Variants in KAT6B observed in about 807,000 individuals in gnomAD.
KAT6B encodes the protein histone acetyltransferase KAT6B.
Under a neutral mutation model 187.5 loss-of-function variants are expected in KAT6B, and 10 were observed. That is an observed-to-expected ratio of 0.05 (90% CI 0.03 to 0.09). The LOEUF (loss-of-function observed/expected upper bound fraction) is 0.09, where lower values mean the gene tolerates loss of function less well. Ranked by LOEUF, KAT6B falls within the 10% of genes least tolerant of loss-of-function variation. The probability of loss-of-function intolerance (pLI) is 1.00; values close to 1 mark genes in which losing one functional copy is unlikely to be tolerated. For synonymous variants in KAT6B, 861 were observed against 926.8 expected (o/e 0.93, Z 1.29); for missense variants, 1,952 against 2,558.9 (o/e 0.76, Z 5.12).
At chr10:75,008,681 A>G (rs1844389310) in intron 13 of KAT6B, among the ~76,000 whole-genome samples, 1 of 152,230 alleles carries the variant, frequency 6.6e-6, no homozygotes. Context: ...CTTGTAGAAC[A>G]TAATGAATGT....
intron 1 of KAT6B, among the ~76,000 whole-genome samples, chr10:74,835,907 C>T (rs1046580542): frequency 1.3e-5 from 2 of 152,108 alleles, no homozygotes; most frequent in Non-Finnish European, 2.9e-5. Flanking sequence ...AGTGTTGTGT[C>T]ACCACTGCCA....
chr10:75,009,036 A>C (rs944901040), intron 13 of KAT6B, among the ~76,000 whole-genome samples: 1 of 152,192 alleles, frequency 6.6e-6, no homozygotes, highest in Non-Finnish European at 1.5e-5. Context: ...ACAGTTACAT[A>C]ATTTACACTT....
At chr10:74,910,836 C>T (rs1847150270) in intron 3 of KAT6B, among the ~76,000 whole-genome samples, 1 of 152,180 alleles carries the variant, frequency 6.6e-6, no homozygotes, top group Non-Finnish European at 1.5e-5. Flanking sequence ...TAGCACATAA[C>T]AGCTATATGC....
chr10:74,861,308 A>T (rs1260089241), intron 3 of KAT6B, among the ~76,000 whole-genome samples: 3 of 151,326 alleles, frequency 2.0e-5, no homozygotes, highest in Non-Finnish European at 2.9e-5. Context: ...TCTCAAAGGT[A>T]AAAAAAAAGA....
intron 15 of KAT6B, 98 bp from the exon 16 acceptor site, chr10:75,021,783 A>T: frequency 1.5e-6 from 2 of 1,329,326 alleles, no homozygotes; most frequent in Middle Eastern, 4.2e-4. Context: ...GGCTGTCCTG[A>T]TCAGAACCGA....
At chr10:75,025,413 C>A in intron 17 of KAT6B, 164 bp downstream of exon 17, 1 of 657,006 alleles carries the variant, frequency 1.5e-6, no homozygotes, top group Non-Finnish European at 2.6e-6. Flanking sequence ...AAGCTTCTCT[C>A]CCTTCTTCCT....
intron 3 of KAT6B, among the ~76,000 whole-genome samples, chr10:74,908,733 C>G (rs1222560801): frequency 6.6e-6 from 1 of 152,016 alleles, no homozygotes; most frequent in Non-Finnish European, 1.5e-5. Context: ...TCTGCTTTTC[C>G]AGCTCATATA....
At chr10:74,894,149 C>T (rs1307026101) in intron 3 of KAT6B, among the ~76,000 whole-genome samples, 1 of 152,090 alleles carries the variant, frequency 6.6e-6, no homozygotes, top group Non-Finnish European at 1.5e-5. Context: ...ATGGCACGAT[C>T]TCGGCTCGCT....
At position 74,996,762 on chromosome 10, in the gene KAT6B, C is replaced by T. The variant is rs556723670; in HGVS notation, c.2629+7650C>T. ...CCAGCCTGGGCGACAGAGCGAGACT[C>T]GGTCTCAAAAAAAAAAAAAAAAAAA... On this transcript the variant is annotated intron_variant, in intron 13 of 17. Coordinates refer to ENST00000287239, the MANE Select transcript of KAT6B (RefSeq NM_012330.4). Among the ~76,000 whole-genome samples, 429 of 71,974 alleles carry T rather than the reference C, an allele frequency of 6.0e-3. 6 individuals carry two copies. Among genetic ancestry groups the T allele is most frequent in the African/African-American group, 0.025 (406 of 16,264 alleles). The allele number at this position is 71,974 out of a possible 152,430, so 47.2% of individuals were successfully genotyped here.
At chr10:74,861,231 G>A (rs1228231458) in intron 3 of KAT6B, among the ~76,000 whole-genome samples, 1 of 152,040 alleles carries the variant, frequency 6.6e-6, no homozygotes, top group South Asian at 2.1e-4. Flanking sequence ...GAATGCCGGA[G>A]GCCGAAGGTG....
At chr10:74,928,622 T>A (rs1848656268) in intron 3 of KAT6B, among the ~76,000 whole-genome samples, 1 of 152,228 alleles carries the variant, frequency 6.6e-6, no homozygotes, top group African/African-American at 2.4e-5. Flanking sequence ...GTCTGTGTCT[T>A]AAAATTCTTA....
intron 3 of KAT6B, among the ~76,000 whole-genome samples, chr10:74,953,331 T>A (rs1840448342): frequency 6.6e-6 from 1 of 152,208 alleles, no homozygotes; most frequent in African/African-American, 2.4e-5. Flanking sequence ...GCTCTTTCTG[T>A]TTTTATAGCC....
intron 3 of KAT6B, among the ~76,000 whole-genome samples, chr10:74,848,437 G>A (rs927052785): frequency 2.0e-5 from 3 of 152,110 alleles, no homozygotes; most frequent in Non-Finnish European, 4.4e-5. Context: ...CCTGGGAGGC[G>A]GAGGTTGCAG....
chr10:74,895,550 A>G (rs552852060), intron 3 of KAT6B, among the ~76,000 whole-genome samples: 1 of 151,822 alleles, frequency 6.6e-6, no homozygotes, highest in Non-Finnish European at 1.5e-5. Flanking sequence ...CTTATTCCTT[A>G]TTTTTTTGAG....
At chr10:75,004,122 G>A (rs1298053962) in intron 13 of KAT6B, among the ~76,000 whole-genome samples, 1 of 151,456 alleles carries the variant, frequency 6.6e-6, no homozygotes, top group East Asian at 1.9e-4. Flanking sequence ...CATTTGCATT[G>A]AGTTATTTTG....
rs532170956 is a variant in KAT6B at position 74,983,521 on chromosome 10, T to C, written c.2374-1559T>C. On this transcript the variant is annotated intron_variant, in intron 11 of 17. Coordinates refer to ENST00000287239, the MANE Select transcript of KAT6B (RefSeq NM_012330.4). The stretch of plus-strand genomic sequence containing the variant: ...GCTTTCCTATTGGCTCCTTCCTTGA[T>C]GCCTTAGATCTTTTCTTCCAACCAA... 3 of 152,374 alleles carry C rather than the reference T, an allele frequency of 2.0e-5. No homozygotes were observed. The South Asian group carries it at 6.2e-4, about 32-fold the overall frequency. 9.4% of individuals were successfully genotyped at this position (152,374 alleles called of 1,614,324 possible).
intron 3 of KAT6B, among the ~76,000 whole-genome samples, chr10:74,870,774 T>TCCA (rs1843875238): frequency 6.6e-6 from 1 of 151,808 alleles, no homozygotes; most frequent in South Asian, 2.1e-4. Context: ...GACGGGGTTT[T>TCCA]CCATGTTGGT....
At chr10:74,954,930 C>T (rs577137084) in intron 3 of KAT6B, among the ~76,000 whole-genome samples, 4 of 152,188 alleles carry the variant, frequency 2.6e-5, no homozygotes, top group South Asian at 2.1e-4. Flanking sequence ...TCCTCTGAGT[C>T]GGTAATGGGC....
chr10:75,018,949 T>A (rs1040180027), intron 13 of KAT6B, among the ~76,000 whole-genome samples: 1 of 152,196 alleles, frequency 6.6e-6, no homozygotes. Context: ...CCAAGCACTT[T>A]GGAGGCAGGT....
Sources: allele counts gnomAD v4.1 joint callset (sites outside exome capture counted in the v4.1 genomes callset), GRCh38; gene constraint gnomAD v4.1.1; transcripts MANE v1.5; gene names NCBI Gene and HGNC (gene_info 2026-07-23, HGNC 2026-07-21).